The following SLC39A11 variants were observed in gnomAD, a reference collection of about 807,000 sequenced individuals.
The protein encoded by SLC39A11 is solute carrier family 39 member 11.
A neutral mutation model predicts 36.1 loss-of-function variants in SLC39A11; 33 were observed. That is an observed-to-expected ratio of 0.91 (90% CI 0.69 to 1.22). SLC39A11 has a LOEUF of 1.22. SLC39A11 is among the 50% of genes most tolerant of loss of function. The probability of loss-of-function intolerance (pLI) is 0.00; values close to 1 mark genes in which losing one functional copy is unlikely to be tolerated. For missense variants in SLC39A11, 432 were observed against 430.3 expected (o/e 1.00, Z -0.03); for synonymous variants, 166 against 170.3 (o/e 0.97, Z 0.20).
chr17:73,058,184 G>A (rs1053007273), intron 3 of SLC39A11, among the ~76,000 whole-genome samples: 1 of 152,014 alleles, frequency 6.6e-6, no homozygotes, highest in Non-Finnish European at 1.5e-5. Context: ...CCAGGCTTGC[G>A]TGTTTGTTTG....
At chr17:72,731,405 T>C (rs1185183054) in intron 7 of SLC39A11, among the ~76,000 whole-genome samples, 3 of 152,112 alleles carry the variant, frequency 2.0e-5, no homozygotes, top group African/African-American at 4.8e-5. Context: ...ATGTTGGGGG[T>C]AGGACGTGGT....
At chr17:72,754,961 C>CA (rs1226875183) in intron 6 of SLC39A11, among the ~76,000 whole-genome samples, 3 of 152,220 alleles carry the variant, frequency 2.0e-5, no homozygotes, top group Non-Finnish European at 4.4e-5. Context: ...AAGTCTAAAT[C>CA]AGTCTCTTAA....
rs138154508 is a variant in SLC39A11, at chr17:72,964,344, G to A, written c.307-16469C>T. Among the ~76,000 whole-genome samples the A allele has an allele frequency of 1.4e-3, 209 of 152,306 alleles. 1 individual carries two copies. Among genetic ancestry groups the A allele is most frequent in the African/African-American group, 4.8e-3 (199 of 41,566 alleles). ...TGGATGAGCTGCGTAGTTTTGTTTG[G>A]ATCCATGGTTACCTTGGCCTCCCGG... On this transcript the variant is annotated intron_variant, in intron 4 of 9. Coordinates refer to ENST00000255559, the MANE Select transcript of SLC39A11 (RefSeq NM_139177.4).
chr17:72,735,691 GTCCCC>G (rs2074398039), intron 7 of SLC39A11, among the ~76,000 whole-genome samples: 8 of 152,138 alleles, frequency 5.3e-5, no homozygotes, highest in Admixed American at 5.2e-4. Flanking sequence ...TGATCTTTTA[GTCCCC>G]TGAAGCCACT....
At chr17:72,858,207 T>C (rs1156773091) in intron 5 of SLC39A11, among the ~76,000 whole-genome samples, 1 of 152,236 alleles carries the variant, frequency 6.6e-6, no homozygotes, top group African/African-American at 2.4e-5. Context: ...TAGCCAGTTA[T>C]CTAAGCACTA....
intron 4 of SLC39A11, among the ~76,000 whole-genome samples, chr17:72,997,623 G>T (rs1045538651): frequency 1.3e-5 from 2 of 152,186 alleles, no homozygotes; most frequent in African/African-American, 4.8e-5. Context: ...GTCAAGTGTG[G>T]TCCAAAAATA....
At chr17:72,760,964 C>G (rs550542357) in intron 6 of SLC39A11, among the ~76,000 whole-genome samples, 3 of 152,212 alleles carry the variant, frequency 2.0e-5, no homozygotes, top group Non-Finnish European at 4.4e-5. Context: ...GCCCCTTTAA[C>G]CACATAGCCA....
At chr17:72,999,797 G>C (rs1029517850) in intron 4 of SLC39A11, among the ~76,000 whole-genome samples, 1 of 152,166 alleles carries the variant, frequency 6.6e-6, no homozygotes, top group Non-Finnish European at 1.5e-5. Flanking sequence ...CTGGAGTGCA[G>C]TGGTGCGATC....
At chr17:72,671,421 C>A (rs904784243) in intron 7 of SLC39A11, among the ~76,000 whole-genome samples, 1 of 152,146 alleles carries the variant, frequency 6.6e-6, no homozygotes, top group African/African-American at 2.4e-5. Context: ...ACCACACATA[C>A]AAAAATAGCT....
At chr17:72,871,461 C>T (rs903152942) in intron 5 of SLC39A11, among the ~76,000 whole-genome samples, 73 of 152,246 alleles carry the variant, frequency 4.8e-4, no homozygotes, top group African/African-American at 1.6e-3. Flanking sequence ...GGGAAACAAT[C>T]ATGAGATTAG....
At position 72,703,985 on chromosome 17, in the gene SLC39A11, G is replaced by A. The variant is rs570408570; in HGVS notation, c.671+32665C>T. Among the ~76,000 whole-genome samples the A allele has an allele frequency of 2.8e-4, 42 of 152,238 alleles. 1 individual carries two copies. Among genetic ancestry groups the A allele is most frequent in the Middle Eastern group, 3.4e-3 (1 of 292 alleles). On this transcript the variant is annotated intron_variant, in intron 7 of 9. Transcript: ENST00000255559. ...TCTACTAAAAATACAAAAATTAGCC[G>A]GGCATGGTGGCATGCGCCTGTAGTC...
At chr17:72,727,651 C>CAAA (rs57874434) in intron 7 of SLC39A11, among the ~76,000 whole-genome samples, 12 of 73,194 alleles carry the variant, frequency 1.6e-4, no homozygotes, top group South Asian at 1.2e-3. Flanking sequence ...GACTCCGTCT[C>CAAA]AAAAAAAAAA....
chr17:72,973,975 G>C (rs1169049603), intron 4 of SLC39A11, among the ~76,000 whole-genome samples: 1 of 152,168 alleles, frequency 6.6e-6, no homozygotes, highest in African/African-American at 2.4e-5. Context: ...TGACATGAAA[G>C]TCAACAGTGG....
At chr17:72,980,245 T>A (rs1179867750) in intron 4 of SLC39A11, among the ~76,000 whole-genome samples, 3 of 152,170 alleles carry the variant, frequency 2.0e-5, no homozygotes, top group Admixed American at 6.5e-5. Flanking sequence ...ATAGCTTTTC[T>A]ATGCAAAAAC....
At position 73,050,260 on chromosome 17, in the gene SLC39A11, T is replaced by C. The variant is rs2059447519; in HGVS notation, c.148-18546A>G. On this transcript the variant is annotated intron_variant, in intron 3 of 9. Coordinates refer to ENST00000255559, the MANE Select transcript of SLC39A11 (RefSeq NM_139177.4). Reference sequence around the variant, plus strand: ...CCCTGAATGGTGAGAAGGAGCCATATACAATTCTAAATAGAAGGCATATCA... The same window carrying C: ...CCCTGAATGGTGAGAAGGAGCCATACACAATTCTAAATAGAAGGCATATCA... Among the ~76,000 whole-genome samples the C allele has an allele frequency of 2.8e-5, 4 of 140,824 alleles. No homozygotes were observed. In the South Asian group the frequency reaches 8.9e-4, roughly 31 times the overall value. The allele number at this position is 140,824 out of a possible 152,430, so 92.4% of individuals were successfully genotyped here. A position where few individuals can be genotyped will look rare whatever the true frequency, so the allele number is the denominator to read the frequency against.
intron 5 of SLC39A11, among the ~76,000 whole-genome samples, chr17:72,860,356 C>A (rs1266996900): frequency 6.6e-6 from 1 of 152,196 alleles, no homozygotes; most frequent in Non-Finnish European, 1.5e-5. Context: ...GAAGTTTCCC[C>A]TTACTCATCT....
At chr17:72,779,686 G>T (rs2076245454) in intron 6 of SLC39A11, among the ~76,000 whole-genome samples, 1 of 152,114 alleles carries the variant, frequency 6.6e-6, no homozygotes, top group Non-Finnish European at 1.5e-5. Flanking sequence ...AAGTTGAAGG[G>T]GAAATTCACA....
At chr17:72,712,183 A>C (rs2073131237) in intron 7 of SLC39A11, among the ~76,000 whole-genome samples, 1 of 152,240 alleles carries the variant, frequency 6.6e-6, no homozygotes, top group Non-Finnish European at 1.5e-5. Context: ...CTATAGAGAA[A>C]GGACTGGGTC....
intron 5 of SLC39A11, among the ~76,000 whole-genome samples, chr17:72,871,463 T>A (rs2080623025): frequency 6.6e-6 from 1 of 151,812 alleles, no homozygotes. Flanking sequence ...GAAACAATCA[T>A]GAGATTAGAG....
Sources: gnomAD v4.1 joint callset for allele counts (sites outside exome capture counted in the v4.1 genomes callset) on GRCh38, gnomAD v4.1.1 for gene constraint, MANE v1.5 for transcripts, NCBI Gene and HGNC (gene_info 2026-07-23, HGNC 2026-07-21) for gene names.